The following PCP4L1 variants were observed in gnomAD, a reference collection of about 807,000 sequenced individuals.
The protein encoded by PCP4L1 is Purkinje cell protein 4-like protein 1.
Under a neutral mutation model 9.6 loss-of-function variants are expected in PCP4L1, and 9 were observed. The observed-to-expected ratio is 0.94, with a 90% CI of 0.57 to 1.64. PCP4L1 has a LOEUF of 1.64. Among genes scored for constraint, PCP4L1 ranks in the 40% most tolerant of loss-of-function variants. PCP4L1 has a pLI of 0.00. For missense variants in PCP4L1, 81 were observed against 80.8 expected (o/e 1.00, Z -0.01); for synonymous variants, 31 against 28.2 (o/e 1.10, Z -0.31).
At chr1:161,280,962 G>A (rs577065998) in intron 1 of PCP4L1, among the ~76,000 whole-genome samples, 16 of 152,116 alleles carry the variant, frequency 1.1e-4, no homozygotes, top group African/African-American at 3.9e-4. Context: ...AAAGGTCTCT[G>A]GTTTTCCTAG....
intron 1 of PCP4L1, among the ~76,000 whole-genome samples, chr1:161,280,992 T>TC (rs1669784740): frequency 6.6e-6 from 1 of 152,130 alleles, no homozygotes; most frequent in Non-Finnish European, 1.5e-5. Context: ...CCTGAGGCCT[T>TC]CTGCAGTGTT....
In PCP4L1 at chr1:161,263,044, C is replaced by T. The variant is rs571307561; in HGVS notation, c.9+4061C>T. ...ATGCGATTTTAGATTTGTTAAGGAA[C>T]GCTAAAGATCATCTGGTCCAATATT... On this transcript the variant is annotated intron_variant, in intron 1 of 2. Transcript: ENST00000504449. Among the ~76,000 whole-genome samples, 33 of 152,190 alleles carry T rather than the reference C, an allele frequency of 2.2e-4. 1 individual carries two copies. Among genetic ancestry groups the T allele is most frequent in the East Asian group, 1.7e-3 (9 of 5,186 alleles).
chr1:161,267,558 CA>C (rs1669550700), intron 1 of PCP4L1, among the ~76,000 whole-genome samples: 1 of 152,102 alleles, frequency 6.6e-6, no homozygotes, highest in South Asian at 2.1e-4. Context: ...ATGAAAGCCA[CA>C]AAGGAAGGAG....
intron 1 of PCP4L1, among the ~76,000 whole-genome samples, chr1:161,269,342 C>A (rs1424850401): frequency 1.3e-5 from 2 of 152,196 alleles, no homozygotes; most frequent in East Asian, 3.9e-4. Context: ...ATTCTCAGCT[C>A]TTTTTCAGGC....
intron 1 of PCP4L1, among the ~76,000 whole-genome samples, chr1:161,270,523 G>T (rs752252616): frequency 1.5e-5 from 2 of 133,144 alleles, no homozygotes; most frequent in Non-Finnish European, 3.1e-5. Context: ...TGAGGGCAGA[G>T]CCCTCATAAA....
chr1:161,279,122 C>T (rs796658627), intron 1 of PCP4L1, among the ~76,000 whole-genome samples: 22 of 152,306 alleles, frequency 1.4e-4, no homozygotes, highest in African/African-American at 5.3e-4. Context: ...CATACAGGCA[C>T]AAACCTGCTT....
chr1:161,271,544 C>T (rs1212562356), intron 1 of PCP4L1, among the ~76,000 whole-genome samples: 1 of 152,090 alleles, frequency 6.6e-6, no homozygotes, highest in Non-Finnish European at 1.5e-5. Context: ...TGCTCTGTCG[C>T]CCAGGCTGGA....
chr1:161,259,193 C>T (rs1558140122), intron 1 of PCP4L1, among the ~76,000 whole-genome samples: 1 of 152,134 alleles, frequency 6.6e-6, no homozygotes, highest in Non-Finnish European at 1.5e-5. Flanking sequence ...CTACTGTGGA[C>T]GGCGCTTTTG....
At chr1:161,271,133 A>C (rs2102235630) in intron 1 of PCP4L1, among the ~76,000 whole-genome samples, 1 of 152,372 alleles carries the variant, frequency 6.6e-6, no homozygotes, top group South Asian at 2.1e-4. Context: ...ATGTATGCTT[A>C]AGAAATTGCC....
chr1:161,271,500 CT>C (rs974099016), intron 1 of PCP4L1, among the ~76,000 whole-genome samples: 2 of 151,320 alleles, frequency 1.3e-5, no homozygotes, highest in South Asian at 4.2e-4. Flanking sequence ...TACTTTGTTT[CT>C]TTTTTTTTCC....
chr1:161,264,342 C>A (rs1444483772), intron 1 of PCP4L1, among the ~76,000 whole-genome samples: 3 of 151,614 alleles, frequency 2.0e-5, no homozygotes, highest in Non-Finnish European at 2.9e-5. Flanking sequence ...CATGGTGAAA[C>A]CCCGTCTCTA....
chr1:161,283,891 T>G (rs990481983), intron 2 of PCP4L1, among the ~76,000 whole-genome samples, 169 bp downstream of exon 2: 6 of 135,738 alleles, frequency 4.4e-5, no homozygotes, highest in Middle Eastern at 3.5e-3. Context: ...TAGGCTTCCT[T>G]CTATTTTTCC....
intron 1 of PCP4L1, among the ~76,000 whole-genome samples, chr1:161,262,484 T>C (rs983106237): frequency 1.3e-5 from 2 of 150,194 alleles, no homozygotes; most frequent in African/African-American, 4.9e-5. Flanking sequence ...TGGAAACATC[T>C]GCGTTGGAGT....
intron 1 of PCP4L1, among the ~76,000 whole-genome samples, chr1:161,280,114 A>G (rs1294658991): frequency 1.3e-5 from 2 of 152,124 alleles, no homozygotes; most frequent in Non-Finnish European, 2.9e-5. Flanking sequence ...TTACTCTCCT[A>G]CTTGCCTAGG....
chr1:161,265,769 G>A (rs1351062379), intron 1 of PCP4L1, among the ~76,000 whole-genome samples: 2 of 109,294 alleles, frequency 1.8e-5, no homozygotes, highest in Non-Finnish European at 3.4e-5. Context: ...AGACAGTTTC[G>A]CTCTTGTTGC....
At position 161,258,802 on chromosome 1, in the gene PCP4L1, A is replaced by T. The variant is rs1045401404; in HGVS notation, c.-173A>T. 2 of 1,051,960 alleles carry T rather than the reference A, an allele frequency of 1.9e-6. No individual in the cohort carries two copies. The highest frequency in any genetic ancestry group is 2.8e-6 in the Non-Finnish European group (2 of 719,310). The allele number at this position is 1,051,960 out of a possible 1,614,324, so 65.2% of individuals were successfully genotyped here. On this transcript the variant is annotated 5_prime_UTR_variant, in exon 1 of 3. Coordinates refer to ENST00000504449, the MANE Select transcript of PCP4L1 (RefSeq NM_001102566.2). ...CGCCTGGCCGGAGCTGGGCTCCGAGAATCCCGGGTGCCAGCACCAGAGCAG... is the reference window on the plus strand; with the variant it reads ...CGCCTGGCCGGAGCTGGGCTCCGAGTATCCCGGGTGCCAGCACCAGAGCAG...
At chr1:161,278,680 G>A (rs73022070) in intron 1 of PCP4L1, among the ~76,000 whole-genome samples, 1,599 of 152,172 alleles carry the variant, frequency 0.011, 32 homozygotes, top group African/African-American at 0.036. Context: ...GAAAAAAATC[G>A]AAATTCTTTG....
intron 1 of PCP4L1, among the ~76,000 whole-genome samples, chr1:161,272,961 AT>A (rs1188848417): frequency 2.0e-5 from 3 of 152,136 alleles, no homozygotes; most frequent in Admixed American, 6.6e-5. Context: ...TGGGGAAAGT[AT>A]TAGGGAAAGG....
intron 1 of PCP4L1, among the ~76,000 whole-genome samples, chr1:161,282,682 A>G (rs1669843502): frequency 6.6e-6 from 1 of 152,160 alleles, no homozygotes; most frequent in African/African-American, 2.4e-5. Context: ...GTTAAAAAAT[A>G]AGCTCCTTAT....
Sources: allele counts gnomAD v4.1 joint callset (sites outside exome capture counted in the v4.1 genomes callset), GRCh38; gene constraint gnomAD v4.1.1; transcripts MANE v1.5; gene names NCBI Gene and HGNC (gene_info 2026-07-23, HGNC 2026-07-21).